XYLT1: variants seen among roughly 807,000 people sequenced by gnomAD.
XYLT1 encodes the protein beta-D-xylosyltransferase 1.
XYLT1 carries 36 observed loss-of-function variants against 91.3 expected under a neutral mutation model. The observed-to-expected ratio is 0.39, with a 90% CI of 0.30 to 0.52. The LOEUF (loss-of-function observed/expected upper bound fraction) is 0.52. Ranked by LOEUF, XYLT1 falls within the 20% of genes least tolerant of loss-of-function variation. The probability of loss-of-function intolerance (pLI) is 0.68; values close to 1 mark genes in which losing one functional copy is unlikely to be tolerated. For synonymous variants in XYLT1, 588 were observed against 532.0 expected, an observed-to-expected ratio of 1.11 and a Z score of -1.45; for missense variants, 1,242 against 1,284.5, an observed-to-expected ratio of 0.97 and a Z score of 0.51.
At chr16:17,133,933 T>C (rs985289585) in intron 9 of XYLT1, among the ~76,000 whole-genome samples, 2 of 152,196 alleles carry the variant, frequency 1.3e-5, no homozygotes, top group Admixed American at 6.5e-5. Context: ...AAAAGAGTTA[T>C]TTTTCAGAGA....
intron 5 of XYLT1, among the ~76,000 whole-genome samples, chr16:17,163,994 C>T (rs759536784): frequency 1.8e-4 from 23 of 126,036 alleles, no homozygotes; most frequent in Non-Finnish European, 3.0e-4. Context: ...GGAGAGATCG[C>T]GCCACTGTAC....
At chr16:17,176,630 C>T (rs1229957399) in intron 5 of XYLT1, among the ~76,000 whole-genome samples, 1 of 152,202 alleles carries the variant, frequency 6.6e-6, no homozygotes, top group Non-Finnish European at 1.5e-5. Context: ...TACAGGGTCT[C>T]TCCAGGAAAC....
chr16:17,457,869 A>G (rs1394374308), intron 1 of XYLT1, among the ~76,000 whole-genome samples: 2 of 152,230 alleles, frequency 1.3e-5, no homozygotes, highest in African/African-American at 4.8e-5. Flanking sequence ...TCTGGGGAAA[A>G]AAATAAGATT....
rs997748964 is a variant in XYLT1, at chr16:17,103,718, G to A, written c.*4977C>T. 6.6e-6 allele frequency: 1 copy of A among 152,182 alleles called. No homozygotes were observed. Among genetic ancestry groups the A allele is most frequent in the South Asian group, 2.1e-4 (1 of 4,828 alleles). 9.4% of individuals were successfully genotyped at this position (152,182 alleles called of 1,614,324 possible). A position where few individuals can be genotyped will look rare whatever the true frequency, so the allele number is the denominator to read the frequency against. The stretch of plus-strand genomic sequence containing the variant: ...GACAAGGTGCAGAACCCGCTTTCTG[G>A]TGGTATCTGTAGGCAGAGGCAGTTG... On this transcript the variant is annotated 3_prime_UTR_variant, in exon 12 of 12. Transcript: ENST00000261381.
chr16:17,459,364 CCT>C (rs2036785615), intron 1 of XYLT1, among the ~76,000 whole-genome samples: 1 of 152,064 alleles, frequency 6.6e-6, no homozygotes, highest in African/African-American at 2.4e-5. Flanking sequence ...GTAAGGAGTC[CCT>C]GTCTCAATAA....
intron 9 of XYLT1, among the ~76,000 whole-genome samples, chr16:17,128,103 TC>T (rs2030327439): frequency 6.6e-6 from 1 of 152,228 alleles, no homozygotes; most frequent in African/African-American, 2.4e-5. Context: ...ATGACTACTT[TC>T]CATGCCTCTT....
At chr16:17,466,890 GA>G (rs71882457) in intron 1 of XYLT1, among the ~76,000 whole-genome samples, 11 of 147,150 alleles carry the variant, frequency 7.5e-5, no homozygotes, top group South Asian at 2.1e-4. Flanking sequence ...TTGAAAGTGT[GA>G]AAAAAAAAAC....
At chr16:17,282,268 C>T (rs1337063264) in intron 2 of XYLT1, among the ~76,000 whole-genome samples, 3 of 152,118 alleles carry the variant, frequency 2.0e-5, no homozygotes, top group Admixed American at 2.0e-4. Flanking sequence ...CCCCAGCCCC[C>T]GACTTCCCTA....
At chr16:17,431,685 C>T (rs957470419) in intron 1 of XYLT1, among the ~76,000 whole-genome samples, 18 of 152,184 alleles carry the variant, frequency 1.2e-4, no homozygotes, top group South Asian at 2.1e-4. Context: ...GCAGTTAACA[C>T]GGACATATAG....
intron 10 of XYLT1, among the ~76,000 whole-genome samples, chr16:17,120,455 C>T (rs2141487503): frequency 6.6e-6 from 1 of 152,090 alleles, no homozygotes; most frequent in Admixed American, 6.5e-5. Context: ...TCCGGAAGGG[C>T]TCTGTGTTTC....
In XYLT1 at chr16:17,306,785, T is replaced by C. The variant is rs190409025; in HGVS notation, c.403-47287A>G. Among the ~76,000 whole-genome samples the C allele has an allele frequency of 2.5e-3, 377 of 152,210 alleles. 3 individuals are homozygous for C. Among genetic ancestry groups the C allele is most frequent in the Middle Eastern group, 6.8e-3 (2 of 294 alleles). On this transcript the variant is annotated intron_variant, in intron 2 of 11. Transcript: ENST00000261381. ...CCAAATTCCTAGAAATATATCCCCT[T>C]GGGAATTTTGAGTTTCCTAGTCTTG...
intron 3 of XYLT1, among the ~76,000 whole-genome samples, chr16:17,232,429 G>GTGTGTGTGTGTATATA (rs1194509016): frequency 2.5e-5 from 3 of 121,736 alleles, no homozygotes; most frequent in South Asian, 2.6e-4. Context: ...GTGTGTGTGT[G>GTGTGTGTGTGTATATA]TATATATATA....
intron 2 of XYLT1, among the ~76,000 whole-genome samples, chr16:17,269,978 A>AT (rs951061504): frequency 2.0e-4 from 31 of 151,658 alleles, no homozygotes; most frequent in South Asian, 4.2e-4. Flanking sequence ...TGCCCAGCTA[A>AT]TTTTTTTTGT....
chr16:17,226,608 C>T (rs1406463753), intron 3 of XYLT1, among the ~76,000 whole-genome samples: 3 of 152,050 alleles, frequency 2.0e-5, no homozygotes, highest in African/African-American at 7.2e-5. Flanking sequence ...GCCAACGTGG[C>T]GAAACCCTGT....
At position 17,198,334 on chromosome 16, in the gene XYLT1, G is replaced by A; in HGVS notation, c.1167C>T (p.Ala389=). 6.2e-7 allele frequency: 1 copy of A among 1,614,188 alleles called. No individual in the cohort carries two copies. Among genetic ancestry groups the A allele is most frequent in the Non-Finnish European group, 8.5e-7 (1 of 1,180,026 alleles). The change falls in exon 5 of 12, where the codon GCC becomes GCT. Residue 389 remains alanine (A), a synonymous_variant. Coordinates refer to ENST00000261381, the MANE Select transcript of XYLT1 (RefSeq NM_022166.4). ...GGAGGCTGGCTCCTCCCCAGATGGTGGCCATTCTCCAGGGGGTGACGCGGA... is the reference window on the plus strand; with the variant it reads ...GGAGGCTGGCTCCTCCCCAGATGGTAGCCATTCTCCAGGGGGTGACGCGGA... ...SNVRVTPWRM[A]TIWGGASLLS...
At chr16:17,209,485 T>C (rs968161306) in intron 3 of XYLT1, among the ~76,000 whole-genome samples, 8 of 152,224 alleles carry the variant, frequency 5.3e-5, no homozygotes, top group African/African-American at 1.9e-4. Flanking sequence ...CCTGTTTGAG[T>C]CACTGTTTCA....
At chr16:17,463,604 A>G (rs140934525) in intron 1 of XYLT1, among the ~76,000 whole-genome samples, 2 of 152,336 alleles carry the variant, frequency 1.3e-5, no homozygotes, top group African/African-American at 4.8e-5. Flanking sequence ...AAAATGGAAC[A>G]CTCATACACT....
intron 1 of XYLT1, among the ~76,000 whole-genome samples, chr16:17,375,438 A>AT (rs989911177): frequency 5.2e-4 from 78 of 148,908 alleles, no homozygotes; most frequent in African/African-American, 4.2e-4. Context: ...ATGCAAAAAA[A>AT]AAAATAAAAT....
At chr16:17,326,595 G>A (rs1368218990) in intron 2 of XYLT1, among the ~76,000 whole-genome samples, 1 of 152,108 alleles carries the variant, frequency 6.6e-6, no homozygotes, top group Non-Finnish European at 1.5e-5. Flanking sequence ...AGGCCGAGGC[G>A]GGCGGATCAC....
Sources: allele counts gnomAD v4.1 joint callset (sites outside exome capture counted in the v4.1 genomes callset), GRCh38; gene constraint gnomAD v4.1.1; transcripts MANE v1.5; gene names NCBI Gene and HGNC (gene_info 2026-07-23, HGNC 2026-07-21).